ANKDD1A: variants seen among roughly 807,000 people sequenced by gnomAD.
ANKDD1A encodes ankyrin repeat and death domain containing 1A, also known as ankyrin repeat and death domain-containing protein 1A.
A neutral mutation model predicts 63.5 loss-of-function variants in ANKDD1A; 59 were observed. The ratio of observed to expected loss-of-function variants is 0.93; its 90% CI spans 0.75 to 1.15. ANKDD1A has a LOEUF of 1.15. Ranked by LOEUF, ANKDD1A falls within the 50% of genes most tolerant of loss-of-function variation. ANKDD1A has a pLI of 0.00. For missense variants in ANKDD1A, 632 were observed against 656.4 expected, an observed-to-expected ratio of 0.96 and a Z score of 0.41; for synonymous variants, 266 against 263.9, an observed-to-expected ratio of 1.01 and a Z score of -0.08.
At chr15:64,921,220 A>T (rs1250893235) in intron 3 of ANKDD1A, among the ~76,000 whole-genome samples, 1 of 152,214 alleles carries the variant, frequency 6.6e-6, no homozygotes, top group African/African-American at 2.4e-5. Context: ...AGTGATTCAC[A>T]TCTCAGAGTG....
At position 64,958,376 on chromosome 15, in the gene ANKDD1A, G is replaced by A. The variant is rs1374279721; in HGVS notation, c.*1188G>A. On this transcript the variant is annotated 3_prime_UTR_variant, in exon 15 of 15. Coordinates refer to ENST00000319580, the MANE Select transcript of ANKDD1A (RefSeq NM_182703.6). ...TCAGTTGTATCAAATGTACCACACT[G>A]ATGCCAGATGTTAATAATCGGGGAA... 6.6e-6 allele frequency: 1 copy of A among 152,178 alleles called. No individual in the cohort carries two copies. Among genetic ancestry groups the A allele is most frequent in the Non-Finnish European group, 1.5e-5 (1 of 68,036 alleles). The allele number at this position is 152,178 out of a possible 1,614,324, so 9.4% of individuals were successfully genotyped here.
intron 3 of ANKDD1A, among the ~76,000 whole-genome samples, chr15:64,917,730 C>A (rs2084980355): frequency 6.6e-6 from 1 of 152,188 alleles, no homozygotes; most frequent in South Asian, 2.1e-4. Flanking sequence ...TCTTTCAGTT[C>A]TCAGAGAGCC....
At chr15:64,917,332 T>C in intron 2 of ANKDD1A, 54 bp from the exon 3 acceptor site, 1 of 1,543,776 alleles carries the variant, frequency 6.5e-7, no homozygotes, top group Non-Finnish European at 8.8e-7. Context: ...TGGGAGGTGG[T>C]CCAGGCAGCC....
intron 14 of ANKDD1A, among the ~76,000 whole-genome samples, chr15:64,952,253 CCTTCTTCCTTCTCCTTCTTTTT>C (rs1477937348): frequency 6.3e-5 from 9 of 142,910 alleles, no homozygotes; most frequent in Non-Finnish European, 1.2e-4. Context: ...TTATTCTTCT[CCTTCTTCCTTCTCCTTCTTTTT>C]CTTCTTCCTT....
chr15:64,951,804 T>G (rs1446913364), intron 14 of ANKDD1A, among the ~76,000 whole-genome samples: 2 of 139,178 alleles, frequency 1.4e-5, no homozygotes, highest in Non-Finnish European at 3.1e-5. Flanking sequence ...TTCTTTCCTC[T>G]TTTCTTCTTT....
At chr15:64,951,691 C>CTTATTCTTT (rs1218099535) in intron 14 of ANKDD1A, among the ~76,000 whole-genome samples, 8 of 117,518 alleles carry the variant, frequency 6.8e-5, no homozygotes, top group Non-Finnish European at 1.0e-4. Context: ...TTTCTTCTTC[C>CTTATTCTTT]TCTTCTTCTT....
At chr15:64,954,134 CTCT>C (rs1211314395) in intron 14 of ANKDD1A, among the ~76,000 whole-genome samples, 2 of 120,904 alleles carry the variant, frequency 1.7e-5, no homozygotes, top group African/African-American at 5.4e-5. Flanking sequence ...TTTCTTCTTC[CTCT>C]TTCTTCTTGT....
intron 10 of ANKDD1A, 107 bp downstream of exon 10, chr15:64,942,672 C>A: frequency 8.4e-6 from 4 of 474,628 alleles, no homozygotes; most frequent in African/African-American, 2.2e-5. Flanking sequence ...TGAGGAATCA[C>A]TTTTTTTTTT....
intron 8 of ANKDD1A, chr15:64,932,290 A>G (rs2085098087): frequency 6.6e-6 from 1 of 152,212 alleles, no homozygotes; most frequent in African/African-American, 2.4e-5. Flanking sequence ...TTTGCAGATG[A>G]GAAAACTGGA....
intron 14 of ANKDD1A, among the ~76,000 whole-genome samples, chr15:64,954,839 TCTTCTTC>T (rs1349824771): frequency 1.1e-4 from 13 of 122,356 alleles, no homozygotes; most frequent in Non-Finnish European, 1.9e-4. Context: ...TGTTGTTCTT[TCTTCTTC>T]CTTCTTCTTC....
At chr15:64,954,347 CT>C (rs2085381874) in intron 14 of ANKDD1A, among the ~76,000 whole-genome samples, 3 of 42,030 alleles carry the variant, frequency 7.1e-5, no homozygotes, top group East Asian at 7.4e-4. Context: ...TCCTCCTCTC[CT>C]TCTTCTCTTC....
intron 9 of ANKDD1A, among the ~76,000 whole-genome samples, chr15:64,935,799 G>A (rs1351646684): frequency 6.6e-6 from 1 of 151,706 alleles, no homozygotes; most frequent in Non-Finnish European, 1.5e-5. Flanking sequence ...AGCCAAGATC[G>A]CTCCACTGCA....
At chr15:64,952,766 CTTTCT>C (rs1297998126) in intron 14 of ANKDD1A, among the ~76,000 whole-genome samples, 12 of 111,584 alleles carry the variant, frequency 1.1e-4, no homozygotes, top group East Asian at 3.5e-4. Flanking sequence ...CCTCCTCCTC[CTTTCT>C]TTTCTTCTTC....
At chr15:64,933,614 C>T (rs4776652) in intron 8 of ANKDD1A, among the ~76,000 whole-genome samples, 81,632 of 152,004 alleles carry the variant, frequency 0.54, 23,235 homozygotes, top group South Asian at 0.77. Context: ...GAGGCTGAGA[C>T]GGGTGGATCA....
At chr15:64,953,515 C>CT (rs2085343164) in intron 14 of ANKDD1A, among the ~76,000 whole-genome samples, 20 of 100,350 alleles carry the variant, frequency 2.0e-4, no homozygotes, top group African/African-American at 6.2e-4. Flanking sequence ...CCTCTTCCTT[C>CT]TCCTTCTTCC....
chr15:64,938,782 T>C (rs981615512), intron 9 of ANKDD1A, among the ~76,000 whole-genome samples: 1 of 151,646 alleles, frequency 6.6e-6, no homozygotes, highest in African/African-American at 2.4e-5. Context: ...TGAAACCCCA[T>C]CTTAACTCAA....
At chr15:64,936,156 AT>A (rs1269805339) in intron 9 of ANKDD1A, among the ~76,000 whole-genome samples, 1 of 152,206 alleles carries the variant, frequency 6.6e-6, no homozygotes, top group Non-Finnish European at 1.5e-5. Flanking sequence ...TAAACTTATT[AT>A]AAAAACAACA....
chr15:64,947,525 G>A lies in ANKDD1A; in HGVS notation c.1283G>A (p.Trp428Ter). 6.2e-7 allele frequency: 1 copy of A among 1,614,132 alleles called. No individual in the cohort carries two copies. The highest frequency in any genetic ancestry group is 8.5e-7 in the Non-Finnish European group (1 of 1,180,016). ...LASRYLQPREWKKLAYSWEFT... is the reference protein window; with the variant it reads ...LASRYLQPRE ...TCCAGGTATCTGCAGCCCCGTGAGT[G>A]GAAGAAGCTGGCATATTCCTGGGAG... The change falls in exon 13 of 15, where the codon TGG (tryptophan) becomes TAG (stop). Residue 428 changes from tryptophan (W) to a stop codon, truncating the protein, a stop_gained. Transcript: ENST00000319580. LOFTEE classifies it high-confidence loss of function.
rs775577223 is a variant in ANKDD1A at position 64,934,247 on chromosome 15, C to T, written c.867+13C>T. On this transcript the variant is annotated intron_variant, in intron 9 of 14. Coordinates refer to ENST00000319580, the MANE Select transcript of ANKDD1A (RefSeq NM_182703.6). The stretch of plus-strand genomic sequence containing the variant: ...CGTGGTTGATCATGTAAGTATGGTG[C>T]GAGTGTTGAAGGGGGTCTCCATTGC... The T allele has an allele frequency of 1.9e-5, 30 of 1,606,194 alleles. No homozygotes were observed. The highest frequency in any genetic ancestry group is 9.0e-5 in the East Asian group (4 of 44,640).
Sources: gnomAD v4.1 joint callset for allele counts (sites outside exome capture counted in the v4.1 genomes callset) on GRCh38, gnomAD v4.1.1 for gene constraint, MANE v1.5 for transcripts, NCBI Gene and HGNC (gene_info 2026-07-23, HGNC 2026-07-21) for gene names.